RNF169: variants seen among roughly 807,000 people sequenced by gnomAD.
The protein encoded by RNF169 is E3 ubiquitin-protein ligase RNF169.
In RNF169, 24 loss-of-function variants were observed where a neutral mutation model predicts 53.9. The observed-to-expected ratio is 0.45, with a 90% confidence interval of 0.32 to 0.63. The LOEUF is 0.63. RNF169 is among the 20% of genes least tolerant of loss of function. The pLI is 0.04. For synonymous variants in RNF169, 396 were observed against 363.5 expected (o/e 1.09, Z -1.02); for missense variants, 883 against 906.2 (o/e 0.97, Z 0.33).
chr11:74,750,434 G>T (rs138730562), intron 1 of RNF169, among the ~76,000 whole-genome samples: 5 of 152,098 alleles, frequency 3.3e-5, no homozygotes, highest in African/African-American at 1.2e-4. Flanking sequence ...GTATACAAGT[G>T]CAGCTTCTAG....
intron 4 of RNF169, among the ~76,000 whole-genome samples, chr11:74,826,856 C>A (rs2036106080): frequency 6.6e-6 from 1 of 152,254 alleles, no homozygotes; most frequent in Admixed American, 6.5e-5. Context: ...GGGCCTTGAG[C>A]AGCTCTGCCC....
At chr11:74,824,148 C>A (rs998038030) in intron 4 of RNF169, among the ~76,000 whole-genome samples, 1 of 151,958 alleles carries the variant, frequency 6.6e-6, no homozygotes. Context: ...GGGCAAAGAA[C>A]TAAAGGAAAC....
At chr11:74,787,702 A>T (rs529970804) in intron 1 of RNF169, among the ~76,000 whole-genome samples, 17 of 152,306 alleles carry the variant, frequency 1.1e-4, no homozygotes, top group Non-Finnish European at 2.4e-4. Flanking sequence ...TGCTGGCGGG[A>T]CTATAAATTG....
chr11:74,756,790 A>G (rs147175002), intron 1 of RNF169, among the ~76,000 whole-genome samples: 11 of 152,300 alleles, frequency 7.2e-5, no homozygotes, highest in African/African-American at 2.6e-4. Context: ...GTTGCTGAAT[A>G]ATAGTGGACT....
chr11:74,772,700 T>C (rs1386502504), intron 1 of RNF169, among the ~76,000 whole-genome samples: 8 of 152,204 alleles, frequency 5.3e-5, no homozygotes, highest in Non-Finnish European at 8.8e-5. Context: ...AGGATTGTTG[T>C]AAGGTTTAAA....
chr11:74,768,332 CA>C (rs2035206016), intron 1 of RNF169, among the ~76,000 whole-genome samples: 1 of 152,164 alleles, frequency 6.6e-6, no homozygotes, highest in Non-Finnish European at 1.5e-5. Context: ...TAGAGCCAGG[CA>C]TGGTGGCTCA....
chr11:74,839,494 A>T lies in RNF169; in HGVS notation c.*2764A>T, dbSNP rs546164975. 4.6e-5 allele frequency: 7 copies of T among 152,264 alleles called. No individual in the cohort carries two copies. The highest frequency in any genetic ancestry group is 1.4e-4 in the African/African-American group (6 of 41,476). The allele number at this position is 152,264 out of a possible 1,614,324, so 9.4% of individuals were successfully genotyped here. On this transcript the variant is annotated 3_prime_UTR_variant, in exon 6 of 6. Coordinates refer to ENST00000299563, the MANE Select transcript of RNF169 (RefSeq NM_001098638.2). ...AAAGGACAAGGAAGGAAACAGAACG[A>T]TGGGAAGGGTTTGTGAGCTAGAATA... is the stretch of plus-strand genomic sequence containing the variant.
chr11:74,834,742 C>G lies in RNF169; in HGVS notation c.909C>G (p.Ser303Arg), dbSNP rs1336619157. 6.2e-6 allele frequency: 10 copies of G among 1,614,030 alleles called. No homozygotes were observed. Among genetic ancestry groups the G allele is most frequent in the Non-Finnish European group, 8.5e-7 (1 of 1,179,956 alleles). Residue 303 changes from serine (S) to arginine (R), a missense_variant, in exon 5 of 6, where the codon AGC (serine) becomes AGG (arginine). This residue lies in a region of RNF169 where 219 missense variants were observed against 289.1 expected (regional missense o/e 0.76). Coordinates refer to ENST00000299563, the MANE Select transcript of RNF169 (RefSeq NM_001098638.2). ...ACACAGCCCAGGAAAGAGCGAAGAG[C>G]AGAGTCAGAGCAGTTCCAGGCAACA... ...CSDTAQERAKSRVRAVPGNKA... is the reference protein window; with the variant it reads ...CSDTAQERAKRRVRAVPGNKA...
intron 3 of RNF169, among the ~76,000 whole-genome samples, chr11:74,814,905 C>T (rs544060716): frequency 1.3e-5 from 2 of 152,212 alleles, no homozygotes; most frequent in South Asian, 4.1e-4. Flanking sequence ...TTCTTTTTAA[C>T]ATTTTTGGTG....
At chr11:74,783,794 G>A (rs981230981) in intron 1 of RNF169, among the ~76,000 whole-genome samples, 1 of 152,142 alleles carries the variant, frequency 6.6e-6, no homozygotes, top group African/African-American at 2.4e-5. Context: ...AGGAAGGAAA[G>A]GGAAGTAAAG....
chr11:74,754,595 C>T (rs1378667656), intron 1 of RNF169, among the ~76,000 whole-genome samples: 2 of 152,080 alleles, frequency 1.3e-5, no homozygotes, highest in Admixed American at 6.6e-5. Context: ...CAGAGGTGGG[C>T]GGATCAGTTG....
intron 4 of RNF169, among the ~76,000 whole-genome samples, chr11:74,819,350 G>C (rs999058870): frequency 5.8e-4 from 88 of 152,246 alleles, no homozygotes; most frequent in African/African-American, 2.1e-3. Flanking sequence ...TAAAACAGGA[G>C]GAAACTGAGT....
At chr11:74,819,695 T>C (rs1277223142) in intron 4 of RNF169, among the ~76,000 whole-genome samples, 1 of 152,202 alleles carries the variant, frequency 6.6e-6, no homozygotes, top group Non-Finnish European at 1.5e-5. Context: ...GGCTGTTTTT[T>C]AGATTAGATT....
At chr11:74,782,863 GTA>G (rs2035436266) in intron 1 of RNF169, among the ~76,000 whole-genome samples, 1 of 148,206 alleles carries the variant, frequency 6.7e-6, no homozygotes, top group African/African-American at 2.5e-5. Flanking sequence ...ATATATGGTT[GTA>G]TTATTACCAA....
At chr11:74,798,776 T>C (rs981498021) in intron 2 of RNF169, among the ~76,000 whole-genome samples, 15 of 152,216 alleles carry the variant, frequency 9.9e-5, no homozygotes, top group Non-Finnish European at 1.5e-4. Context: ...TTTCTCTCTT[T>C]TGTACTCTGT....
rs544314862 is a variant in RNF169, at chr11:74,753,571, C to G, written c.502+4189C>G. 4.1e-4 allele frequency among the ~76,000 whole-genome samples: 62 copies of G among 152,206 alleles called. No homozygotes were observed. The South Asian group carries it at 0.013, about 32-fold the overall frequency. On this transcript the variant is annotated intron_variant, in intron 1 of 5. Coordinates refer to ENST00000299563, the MANE Select transcript of RNF169 (RefSeq NM_001098638.2). ...GGCAAAAACAGCAATTACTTTTGTACCAGCCTAATAGCAATTTTAGTAATA... is the reference window on the plus strand; with the variant it reads ...GGCAAAAACAGCAATTACTTTTGTAGCAGCCTAATAGCAATTTTAGTAATA...
chr11:74,761,588 C>T (rs376106382), intron 1 of RNF169, among the ~76,000 whole-genome samples: 26 of 152,228 alleles, frequency 1.7e-4, no homozygotes, highest in Non-Finnish European at 3.5e-4. Context: ...TTTGGCTGGA[C>T]ATGAAATTCT....
intron 2 of RNF169, among the ~76,000 whole-genome samples, chr11:74,792,895 G>C (rs2035598118): frequency 6.6e-6 from 1 of 152,172 alleles, no homozygotes; most frequent in Non-Finnish European, 1.5e-5. Flanking sequence ...TATATCATTT[G>C]GCTTAAATAA....
chr11:74,812,223 C>A (rs945925248), intron 3 of RNF169, among the ~76,000 whole-genome samples: 1 of 152,062 alleles, frequency 6.6e-6, no homozygotes, highest in Non-Finnish European at 1.5e-5. Context: ...TAAAATCTGA[C>A]CTATGAATGT....
Sources: gnomAD v4.1 joint callset for allele counts (sites outside exome capture counted in the v4.1 genomes callset) on GRCh38, gnomAD v4.1.1 for gene constraint, gnomAD v4.1.1 regional missense constraint, MANE v1.5 for transcripts, NCBI Gene and HGNC (gene_info 2026-07-23, HGNC 2026-07-21) for gene names.